The following CCBE1 variants were observed in gnomAD, a reference collection of about 807,000 sequenced individuals.
CCBE1 encodes the protein collagen and calcium binding EGF domains 1, also known as collagen and calcium-binding EGF domain-containing protein 1.
A neutral mutation model predicts 50.0 loss-of-function variants in CCBE1; 37 were observed. The observed-to-expected ratio is 0.74, with a 90% CI of 0.57 to 0.97. The LOEUF (loss-of-function observed/expected upper bound fraction) is 0.97, where lower values mean the gene tolerates loss of function less well. Ranked by LOEUF, CCBE1 falls within the 50% of genes least tolerant of loss-of-function variation. CCBE1 has a pLI of 0.00. For synonymous variants in CCBE1, 234 were observed against 203.7 expected (o/e 1.15, Z -1.27); for missense variants, 538 against 523.8 (o/e 1.03, Z -0.26).
chr18:59,475,333 C>T (rs117940650), intron 3 of CCBE1, among the ~76,000 whole-genome samples: 2,943 of 152,298 alleles, frequency 0.019, 40 homozygotes, highest in Non-Finnish European at 0.029. Flanking sequence ...GTTTAAAAAC[C>T]TTTACAACTT....
chr18:59,477,495 G>T (rs1234903879), intron 3 of CCBE1, among the ~76,000 whole-genome samples: 1 of 151,750 alleles, frequency 6.6e-6, no homozygotes, highest in Non-Finnish European at 1.5e-5. Flanking sequence ...CCTGTAAATT[G>T]TCATGAGTAT....
chr18:59,448,176 G>T, intron 6 of CCBE1, 73 bp from the exon 7 acceptor site: 1 of 1,601,320 alleles, frequency 6.2e-7, no homozygotes, highest in Non-Finnish European at 8.5e-7. Flanking sequence ...CTTGGTGGGA[G>T]AAGCTGCAAA....
At chr18:59,559,229 G>A (rs12454073) in intron 2 of CCBE1, among the ~76,000 whole-genome samples, 88,268 of 152,126 alleles carry the variant, frequency 0.58, 26,313 homozygotes, top group East Asian at 0.79. Context: ...AACAAGCTGC[G>A]TTTACTGGCT....
At chr18:59,643,859 C>G (rs1465236792) in intron 2 of CCBE1, among the ~76,000 whole-genome samples, 1 of 152,040 alleles carries the variant, frequency 6.6e-6, no homozygotes, top group East Asian at 1.9e-4. Flanking sequence ...GAACAGGTTT[C>G]GAAACTGCAG....
intron 2 of CCBE1, among the ~76,000 whole-genome samples, chr18:59,658,319 TCTAAAAAAAAAAAAAAAA>T (rs1352632439): frequency 4.8e-5 from 1 of 20,982 alleles, no homozygotes. Context: ...AGACCCTGTC[TCTAAAAAAAAAAAAAAAA>T]AAAAAAAAAA....
At chr18:59,571,777 G>T (rs1315585950) in intron 2 of CCBE1, among the ~76,000 whole-genome samples, 1 of 152,178 alleles carries the variant, frequency 6.6e-6, no homozygotes, top group African/African-American at 2.4e-5. Context: ...CATACGTACA[G>T]AAGAGTCATT....
rs747697193 is a variant in CCBE1, at chr18:59,438,103, C to T, written c.987+8G>A. 6.2e-7 allele frequency: 1 copy of T among 1,614,000 alleles called. No individual in the cohort carries two copies. The highest frequency in any genetic ancestry group is 8.5e-7 in the Non-Finnish European group (1 of 1,179,910). On this transcript the variant is annotated splice_region_variant and intron_variant, in intron 10 of 10. Transcript: ENST00000439986. The stretch of plus-strand genomic sequence containing the variant: ...CCCTGGGGAAGCAGGACACAGAGTG[C>T]TACTTACTGGAGACCCTCTGGGCCC...
chr18:59,587,405 T>C (rs2053193466), intron 2 of CCBE1, among the ~76,000 whole-genome samples: 1 of 152,172 alleles, frequency 6.6e-6, no homozygotes, highest in African/African-American at 2.4e-5. Context: ...TCTCAACAGG[T>C]ACCAAAAAGC....
intron 2 of CCBE1, among the ~76,000 whole-genome samples, chr18:59,538,626 G>C (rs764374609): frequency 6.6e-6 from 1 of 152,182 alleles, no homozygotes; most frequent in Non-Finnish European, 1.5e-5. Context: ...AATGCCTGAC[G>C]TGAGGAGGGA....
Position 59,510,426 on chromosome 18 carries a change from CTT to C in CCBE1, c.213-30190_213-30189del, listed in dbSNP as rs35277466. ...AATAATTTTTAAGTTGCAAATTGAA[CTT>C]TTTTTTTTTTGAGATGGAGTTTTGC... On this transcript the variant is annotated intron_variant, in intron 2 of 10. Coordinates refer to ENST00000439986, the MANE Select transcript of CCBE1 (RefSeq NM_133459.4). 1.2e-4 allele frequency among the ~76,000 whole-genome samples: 17 copies of C among 147,434 alleles called. No homozygotes were observed. The East Asian group carries it at 3.4e-3, about 29-fold the overall frequency.
At chr18:59,496,034 C>T (rs990075091) in intron 2 of CCBE1, among the ~76,000 whole-genome samples, 8 of 152,104 alleles carry the variant, frequency 5.3e-5, no homozygotes, top group African/African-American at 1.9e-4. Context: ...AGAAACTACC[C>T]CATCTCTATA....
chr18:59,561,753 T>A (rs556145720), intron 2 of CCBE1, among the ~76,000 whole-genome samples: 1 of 152,128 alleles, frequency 6.6e-6, no homozygotes. Flanking sequence ...GGCTTGCTCA[T>A]GCCCAGAGAA....
chr18:59,554,094 C>G (rs72964846), intron 2 of CCBE1, among the ~76,000 whole-genome samples: 14 of 152,128 alleles, frequency 9.2e-5, no homozygotes, highest in African/African-American at 3.4e-4. Context: ...CCAGTAATTC[C>G]CGGGCTCAAG....
At chr18:59,472,905 G>C in intron 3 of CCBE1, among the ~76,000 whole-genome samples, 1 of 152,346 alleles carries the variant, frequency 6.6e-6, no homozygotes, top group East Asian at 1.9e-4. Flanking sequence ...AGACAAGAGA[G>C]AGCTTGTGCA....
At chr18:59,574,800 T>A (rs563285203) in intron 2 of CCBE1, among the ~76,000 whole-genome samples, 1 of 152,318 alleles carries the variant, frequency 6.6e-6, no homozygotes, top group Admixed American at 6.5e-5. Flanking sequence ...CTCTTCCTCC[T>A]GTTAAAAAGA....
chr18:59,458,794 A>G (rs1013965299), intron 5 of CCBE1, among the ~76,000 whole-genome samples: 2 of 152,226 alleles, frequency 1.3e-5, no homozygotes, highest in Admixed American at 6.5e-5. Context: ...GTGACCTGTT[A>G]CATGCAAATT....
intron 2 of CCBE1, among the ~76,000 whole-genome samples, chr18:59,545,264 C>A (rs1598998049): frequency 6.6e-6 from 1 of 152,058 alleles, no homozygotes; most frequent in Non-Finnish European, 1.5e-5. Context: ...GACTTCAGTT[C>A]TCCCCCTATA....
intron 2 of CCBE1, among the ~76,000 whole-genome samples, chr18:59,576,554 T>C (rs951361719): frequency 2.0e-5 from 3 of 152,360 alleles, no homozygotes; most frequent in Middle Eastern, 3.4e-3. Context: ...GACAAAGGCA[T>C]AAGACTAAAA....
intron 5 of CCBE1, among the ~76,000 whole-genome samples, chr18:59,461,622 T>G (rs1031599910): frequency 1.6e-4 from 25 of 151,998 alleles, no homozygotes; most frequent in African/African-American, 6.0e-4. Context: ...AGAGCACCCT[T>G]AGTAGAGTCA....
Sources: allele counts gnomAD v4.1 joint callset (sites outside exome capture counted in the v4.1 genomes callset), GRCh38; gene constraint gnomAD v4.1.1; transcripts MANE v1.5; gene names NCBI Gene and HGNC (gene_info 2026-07-23, HGNC 2026-07-21).